BICC1: variants seen among roughly 807,000 people sequenced by gnomAD.
The protein encoded by BICC1 is protein bicaudal C homolog 1.
BICC1 carries 43 observed loss-of-function variants against 111.0 expected under a neutral mutation model. The ratio of observed to expected loss-of-function variants is 0.39; its 90% CI spans 0.30 to 0.50. The LOEUF (loss-of-function observed/expected upper bound fraction) is 0.50, where lower values mean the gene tolerates loss of function less well. Ranked by LOEUF, BICC1 falls within the 20% of genes least tolerant of loss-of-function variation. The pLI is 0.88. For missense variants in BICC1, 1,091 were observed against 1,203.2 expected, an observed-to-expected ratio of 0.91 and a Z score of 1.38; for synonymous variants, 467 against 434.4, an observed-to-expected ratio of 1.07 and a Z score of -0.93.
intron 1 of BICC1, among the ~76,000 whole-genome samples, chr10:58,526,169 A>G (rs1382704261): frequency 6.6e-6 from 1 of 151,884 alleles, no homozygotes; most frequent in African/African-American, 2.4e-5. Context: ...AACTCATGAC[A>G]TACAGATGCC....
At chr10:58,648,599 TTCTCTC>T (rs1316101466) in intron 2 of BICC1, 1 of 980,510 alleles carries the variant, frequency 1.0e-6, no homozygotes. Flanking sequence ...CTCTCTCTCT[TTCTCTC>T]TCTCTTTCTC....
intron 2 of BICC1, among the ~76,000 whole-genome samples, chr10:58,654,178 G>A (rs1199044762): frequency 1.8e-4 from 23 of 125,772 alleles, no homozygotes; most frequent in South Asian, 1.2e-3. Flanking sequence ...ATGATTTATA[G>A]TCCTTTGGGT....
At position 58,813,874 on chromosome 10, in the gene BICC1, G is replaced by T; in HGVS notation, c.2421G>T (p.Leu807Phe). The T allele has an allele frequency of 6.2e-7, 1 of 1,613,968 alleles. No individual in the cohort carries two copies. Among genetic ancestry groups the T allele is most frequent in the Middle Eastern group, 1.7e-4 (1 of 6,056 alleles). The change falls in exon 18 of 21, where the codon TTG becomes TTT. Residue 807 changes from leucine (L) to phenylalanine (F), a missense_variant. By Grantham distance (22) the Leu-to-Phe change is conservative. Transcript: ENST00000373886. ...SLSRSNSREH[L>F]GGGSESDNWR... ...CACGGTCCAACAGTCGTGAGCACTTGGGAGGTGGAAGCGAATCTGATAACT... is the reference window on the plus strand; with the variant it reads ...CACGGTCCAACAGTCGTGAGCACTTTGGAGGTGGAAGCGAATCTGATAACT...
rs558313040 is a variant in BICC1, at chr10:58,810,369, A to T, written c.2376+3211A>T. ...AAATTTGGGAGGAAGGGTGGGTGAGACCTGCTAGATTCCAGCATGGACATT... is the reference window on the plus strand; with the variant it reads ...AAATTTGGGAGGAAGGGTGGGTGAGTCCTGCTAGATTCCAGCATGGACATT... On this transcript the variant is annotated intron_variant, in intron 17 of 20. Transcript: ENST00000373886. 6.6e-5 allele frequency among the ~76,000 whole-genome samples: 10 copies of T among 152,232 alleles called. No individual in the cohort carries two copies. In the South Asian group the frequency reaches 1.9e-3, roughly 28 times the overall value.
intron 1 of BICC1, among the ~76,000 whole-genome samples, chr10:58,572,108 T>C (rs1564492980): frequency 6.6e-6 from 1 of 152,204 alleles, no homozygotes; most frequent in Non-Finnish European, 1.5e-5. Context: ...CTGTTTTTCA[T>C]GTTTGTTGGC....
At chr10:58,818,219 T>C (rs928822241) in intron 19 of BICC1, among the ~76,000 whole-genome samples, 2 of 152,174 alleles carry the variant, frequency 1.3e-5, no homozygotes. Context: ...CATTAACTTA[T>C]TGTTTGGGTT....
Position 58,796,434 on chromosome 10 carries a change from C to G in BICC1, c.1274C>G (p.Ala425Gly), listed in dbSNP as rs1245302105. 6.2e-7 allele frequency: 1 copy of G among 1,613,852 alleles called. No individual in the cohort carries two copies. The highest frequency in any genetic ancestry group is 8.5e-7 in the Non-Finnish European group (1 of 1,179,866). Residue 425 changes from alanine to glycine, a missense_variant, in exon 10 of 21, where the codon GCA (alanine) becomes GGA (glycine). By Grantham distance (60) the Ala-to-Gly change is moderately conservative. Transcript: ENST00000373886. ...CTTGAAAGCAGTGGGGTTACCATAG[C>G]AACCAGTCCATCCCCAGCATCCTGC... The part of the protein sequence containing the change: ...LGLESSGVTI[A>G]TSPSPASCPA...
intron 3 of BICC1, among the ~76,000 whole-genome samples, chr10:58,712,399 T>C (rs1174158891): frequency 6.6e-6 from 1 of 152,200 alleles, no homozygotes; most frequent in Non-Finnish European, 1.5e-5. Context: ...AACCTGCACA[T>C]GGAACAGAAG....
chr10:58,586,547 G>A (rs757512613), intron 1 of BICC1, among the ~76,000 whole-genome samples: 2 of 150,968 alleles, frequency 1.3e-5, no homozygotes, highest in South Asian at 2.1e-4. Context: ...GGGGGGGCGC[G>A]GAGGTTGCAG....
intron 1 of BICC1, among the ~76,000 whole-genome samples, chr10:58,531,057 G>T (rs1385384024): frequency 1.3e-5 from 2 of 151,786 alleles, no homozygotes; most frequent in Non-Finnish European, 2.9e-5. Context: ...CACAGCTAAT[G>T]ATGAGGAAAA....
chr10:58,617,269 A>G (rs1845648529), intron 1 of BICC1, among the ~76,000 whole-genome samples: 1 of 152,210 alleles, frequency 6.6e-6, no homozygotes, highest in Non-Finnish European at 1.5e-5. Context: ...TTCATGGATA[A>G]TGACTCCCTG....
chr10:58,586,702 TG>T (rs2132027624), intron 1 of BICC1, among the ~76,000 whole-genome samples: 1 of 151,898 alleles, frequency 6.6e-6, no homozygotes, highest in South Asian at 2.1e-4. Context: ...TCCACAGACA[TG>T]CATACTACAG....
rs1039209530 is a variant in BICC1 at position 58,611,035 on chromosome 10, G to A, written c.191-9820G>A. On this transcript the variant is annotated intron_variant, in intron 1 of 20. Coordinates refer to ENST00000373886, the MANE Select transcript of BICC1 (RefSeq NM_001080512.3). The stretch of plus-strand genomic sequence containing the variant: ...TTGTCCATTATCTATCTCTGATATT[G>A]CGTTAGTCATTGTGTCTCCTTAGGC... Among the ~76,000 whole-genome samples, 5 of 152,152 alleles carry A rather than the reference G, an allele frequency of 3.3e-5. No homozygotes were observed. The East Asian group carries it at 7.7e-4, about 23-fold the overall frequency.
intron 2 of BICC1, among the ~76,000 whole-genome samples, chr10:58,651,277 C>T (rs562290995): frequency 7.2e-5 from 11 of 152,222 alleles, no homozygotes; most frequent in Non-Finnish European, 1.5e-4. Flanking sequence ...GCCTGTGTTG[C>T]GAGACAGTGA....
At position 58,701,922 on chromosome 10, in the gene BICC1, G is replaced by GT. The variant is rs561647702; in HGVS notation, c.238-142dup. On this transcript the variant is annotated intron_variant, in intron 2 of 20. Transcript: ENST00000373886. The stretch of plus-strand genomic sequence containing the variant: ...TAAAAACATCTCTTTTCCCCCCAGG[G>GT]TTTTTTTTTTCTTTGCATTGTTTTC... 9,484 of 487,552 alleles carry GT rather than the reference G, an allele frequency of 0.019. 12 individuals carry two copies. Among genetic ancestry groups the GT allele is most frequent in the African/African-American group, 0.027 (1,346 of 48,952 alleles). The allele number at this position is 487,552 out of a possible 1,614,324, so 30.2% of individuals were successfully genotyped here.
intron 20 of BICC1, among the ~76,000 whole-genome samples, chr10:58,826,378 T>C (rs1844395225): frequency 6.6e-6 from 1 of 152,158 alleles, no homozygotes; most frequent in Non-Finnish European, 1.5e-5. Flanking sequence ...GGAGAAAGAC[T>C]ATACACCTGA....
intron 20 of BICC1, chr10:58,823,685 T>G (rs113594394): frequency 1.0e-6 from 1 of 985,256 alleles, no homozygotes; most frequent in South Asian, 4.7e-5. Flanking sequence ...TCCTTTTTTT[T>G]CTTTGCTGTA....
intron 2 of BICC1, among the ~76,000 whole-genome samples, chr10:58,678,627 C>T (rs749581854): frequency 1.2e-4 from 19 of 152,138 alleles, no homozygotes; most frequent in South Asian, 2.1e-4. Context: ...GACAGATCAA[C>T]GAGATAGAAA....
At chr10:58,684,338 T>C (rs558137273) in intron 2 of BICC1, among the ~76,000 whole-genome samples, 6 of 152,352 alleles carry the variant, frequency 3.9e-5, no homozygotes, top group Admixed American at 2.6e-4. Flanking sequence ...AAATTCTCTT[T>C]TTTTTGTTGT....
Sources: allele counts gnomAD v4.1 joint callset (sites outside exome capture counted in the v4.1 genomes callset), GRCh38; gene constraint gnomAD v4.1.1; transcripts MANE v1.5; gene names NCBI Gene and HGNC (gene_info 2026-07-23, HGNC 2026-07-21).